GAB3: variants seen among roughly 807,000 people sequenced by gnomAD.
GAB3 encodes the protein GRB2-associated-binding protein 3.
Under a neutral mutation model 40.4 loss-of-function variants are expected in GAB3, and 12 were observed. That is an observed-to-expected ratio of 0.30 (90% CI 0.19 to 0.48). GAB3 has a LOEUF of 0.48. Ranked by LOEUF, GAB3 falls within the 20% of genes least tolerant of loss-of-function variation. The probability of loss-of-function intolerance (pLI) is 0.99; values close to 1 mark genes in which losing one functional copy is unlikely to be tolerated. For synonymous variants in GAB3, 154 were observed against 176.7 expected (o/e 0.87, Z 1.02); for missense variants, 381 against 461.9 (o/e 0.82, Z 1.61).
At chrX:154,731,385 G>A (rs782526650) in intron 1 of GAB3, among the ~76,000 whole-genome samples, 2 of 111,898 alleles carry the variant, frequency 1.8e-5, no homozygotes, top group South Asian at 7.5e-4. Context: ...AAGTGACGGC[G>A]CAGCTGAACT....
chrX:154,750,782 G>A (rs782688259), intron 1 of GAB3, among the ~76,000 whole-genome samples, 172 bp downstream of exon 1: 21 of 111,791 alleles, frequency 1.9e-4, no homozygotes, highest in African/African-American at 6.5e-4. Context: ...GCACAGCGGC[G>A]AAGCTGGCTC....
chrX:154,747,904 T>C (rs1557262249), intron 1 of GAB3, among the ~76,000 whole-genome samples: 2 of 112,533 alleles, frequency 1.8e-5, no homozygotes, highest in East Asian at 5.5e-4. Context: ...AGAAAATATT[T>C]GCAAATTAAA....
rs782455780 is a variant in GAB3, at chrX:154,743,090, T to C, written c.72+7864A>G. On this transcript the variant is annotated intron_variant, in intron 1 of 9. Transcript: ENST00000424127. ...AAATCTGTGGAATGGGTTCCCAGGA[T>C]GTTAAGCCAAGGAAGACAGAATATA... 8.3e-5 allele frequency among the ~76,000 whole-genome samples: 9 copies of C among 108,698 alleles called. No individual in the cohort carries two copies. The East Asian group carries it at 2.6e-3, about 31-fold the overall frequency. 94.4% of individuals were successfully genotyped at this position (108,698 alleles called of 115,157 possible).
chrX:154,710,073 A>T (rs1477261519), intron 4 of GAB3, among the ~76,000 whole-genome samples: 2 of 100,770 alleles, frequency 2.0e-5, no homozygotes, highest in South Asian at 1.3e-3. Flanking sequence ...TCAGTACATA[A>T]TGCATATGCA....
chrX:154,707,741 G>T (rs1557254037), intron 4 of GAB3, among the ~76,000 whole-genome samples: 1 of 111,443 alleles, frequency 9.0e-6, no homozygotes, highest in East Asian at 2.8e-4. Context: ...AAATACAAGG[G>T]TTGTTAAAGA....
At chrX:154,730,793 G>A (rs1376785368) in intron 1 of GAB3, among the ~76,000 whole-genome samples, 3 of 111,839 alleles carry the variant, frequency 2.7e-5, no homozygotes, top group African/African-American at 9.8e-5. Flanking sequence ...TGGGATTGCC[G>A]GTGACCTTTC....
intron 4 of GAB3, among the ~76,000 whole-genome samples, chrX:154,711,557 T>G (rs915936464): frequency 1.7e-4 from 19 of 111,612 alleles, no homozygotes; most frequent in Non-Finnish European, 7.5e-5. Context: ...ATAAATGGCC[T>G]TATAGAAAAG....
chrX:154,705,833 G>A (rs189750814), intron 4 of GAB3, among the ~76,000 whole-genome samples: 1 of 111,639 alleles, frequency 9.0e-6, no homozygotes, highest in East Asian at 2.8e-4. Flanking sequence ...ATTAAATACA[G>A]GAAAATTTAA....
At chrX:154,690,964 C>G (rs1352067362) in intron 8 of GAB3, among the ~76,000 whole-genome samples, 1 of 110,110 alleles carries the variant, frequency 9.1e-6, no homozygotes, top group East Asian at 2.8e-4. Flanking sequence ...AAGACACATG[C>G]ACACGTATGT....
chrX:154,713,563 C>T, intron 2 of GAB3, 137 bp from the exon 3 acceptor site: 1 of 483,173 alleles, frequency 2.1e-6, no homozygotes, highest in Non-Finnish European at 3.5e-6. Flanking sequence ...AGACCATTTC[C>T]CCAAGCTATA....
chrX:154,710,633 ATTCCAGGCAAATC>A (rs2070927724), intron 4 of GAB3, among the ~76,000 whole-genome samples: 1 of 111,782 alleles, frequency 8.9e-6, no homozygotes, highest in South Asian at 3.8e-4. Context: ...ACCAACACAG[ATTCCAGGCAAATC>A]TCAGTGGGAA....
At chrX:154,738,440 G>A (rs2071393873) in intron 1 of GAB3, among the ~76,000 whole-genome samples, 1 of 112,428 alleles carries the variant, frequency 8.9e-6, no homozygotes, top group African/African-American at 3.2e-5. Flanking sequence ...ATATTCTAAG[G>A]AGGTTAACAC....
At chrX:154,711,243 G>T (rs1557255874) in intron 4 of GAB3, among the ~76,000 whole-genome samples, 2 of 112,121 alleles carry the variant, frequency 1.8e-5, no homozygotes, top group African/African-American at 6.5e-5. Context: ...GAAAGAAAGA[G>T]AGAGAAGAAA....
At chrX:154,694,212 T>C (rs1200861465) in intron 8 of GAB3, among the ~76,000 whole-genome samples, 2 of 111,867 alleles carry the variant, frequency 1.8e-5, no homozygotes, top group Non-Finnish European at 3.8e-5. Context: ...GGATAGCCTT[T>C]AAACATTTTT....
chrX:154,735,307 A>G (rs2071349517), intron 1 of GAB3, among the ~76,000 whole-genome samples: 1 of 112,397 alleles, frequency 8.9e-6, no homozygotes, highest in Non-Finnish European at 1.9e-5. Flanking sequence ...TATTTTGGCA[A>G]TCTCCGCACT....
rs782227100 is a variant in GAB3, at chrX:154,678,276, C to T, written c.1666G>A (p.Glu556Lys). 8.6e-7 allele frequency: 1 copy of T among 1,161,865 alleles called. No homozygotes were observed. The highest frequency in any genetic ancestry group is 1.2e-6 in the Non-Finnish European group (1 of 855,852). The change falls in exon 10 of 10, where the codon GAA becomes AAA. Residue 556 changes from glutamate (E) to lysine (K), a missense_variant. By Grantham distance (56) the Glu-to-Lys change is moderately conservative. Around this residue, in one of 2 missense-constraint regions of GAB3, gnomAD observed 17 missense variants for 40.9 expected, o/e 0.42. Coordinates refer to ENST00000424127, the MANE Select transcript of GAB3 (RefSeq NM_001081573.3). ...PMQQKLLLSE[E>K]QRVDYVQVDE... ...ACTTGGACATAGTCTACTCTTTGTT[C>T]TTCTGAAAGGAGAAGTTTCTGAAGG... is the stretch of plus-strand genomic sequence containing the variant.
intron 1 of GAB3, among the ~76,000 whole-genome samples, chrX:154,737,146 C>T (rs1314522229): frequency 8.9e-6 from 1 of 111,850 alleles, no homozygotes; most frequent in African/African-American, 3.3e-5. Flanking sequence ...GACTCGGAAG[C>T]CCCACTTAGA....
chrX:154,699,060 G>A (rs1436254801), intron 6 of GAB3, among the ~76,000 whole-genome samples: 2 of 111,338 alleles, frequency 1.8e-5, no homozygotes, highest in Non-Finnish European at 3.8e-5. Flanking sequence ...TTTGTCAGCT[G>A]TATTTGCAAG....
At chrX:154,713,900 A>T (rs1224776871) in intron 2 of GAB3, among the ~76,000 whole-genome samples, 3 of 104,604 alleles carry the variant, frequency 2.9e-5, no homozygotes, top group African/African-American at 1.0e-4. Flanking sequence ...TACATCTACC[A>T]TGTGCCCAGA....
Sources: allele counts gnomAD v4.1 joint callset (sites outside exome capture counted in the v4.1 genomes callset), GRCh38; gene constraint gnomAD v4.1.1; regional missense constraint gnomAD v4.1.1; transcripts MANE v1.5; gene names NCBI Gene and HGNC (gene_info 2026-07-23, HGNC 2026-07-21).